The following XKR6 variants were observed in gnomAD, a reference collection of about 807,000 sequenced individuals.
XKR6 encodes XK related 6.
In XKR6, 22 loss-of-function variants were observed where a neutral mutation model predicts 56.7. The ratio of observed to expected loss-of-function variants is 0.39; its 90% CI spans 0.28 to 0.55. The LOEUF is 0.55. XKR6 is among the 20% of genes least tolerant of loss of function. The pLI, the probability that XKR6 is intolerant of heterozygous loss-of-function variation, is 0.66. For synonymous variants in XKR6, 524 were observed against 387.8 expected (o/e 1.35, Z -4.13); for missense variants, 852 against 889.0 (o/e 0.96, Z 0.53).
chr8:10,935,541 C>A, intron 1 of XKR6, among the ~76,000 whole-genome samples: 2 of 144,218 alleles, frequency 1.4e-5, no homozygotes, highest in African/African-American at 2.6e-5. Flanking sequence ...GCATTTAGTG[C>A]TATAAATTTC....
intron 1 of XKR6, among the ~76,000 whole-genome samples, chr8:10,962,346 T>C (rs1802089068): frequency 1.3e-5 from 2 of 152,180 alleles, no homozygotes; most frequent in Non-Finnish European, 2.9e-5. Context: ...CCCTGACTCG[T>C]AGTCCCCATT....
chr8:11,194,133 T>A (rs1241417622), intron 1 of XKR6, among the ~76,000 whole-genome samples: 2 of 152,202 alleles, frequency 1.3e-5, no homozygotes, highest in African/African-American at 4.8e-5. Context: ...TAAAAATAGA[T>A]TAAGTGATCA....
At chr8:11,078,999 A>T (rs899631070) in intron 1 of XKR6, among the ~76,000 whole-genome samples, 1 of 152,252 alleles carries the variant, frequency 6.6e-6, no homozygotes, top group Non-Finnish European at 1.5e-5. Flanking sequence ...GGCGAGGAAG[A>T]AGGAGCAAGA....
chr8:11,110,443 C>T (rs1288933558), intron 1 of XKR6, among the ~76,000 whole-genome samples: 1 of 152,182 alleles, frequency 6.6e-6, no homozygotes, highest in African/African-American at 2.4e-5. Flanking sequence ...ACACTAGTTT[C>T]GGAAATACTG....
intron 1 of XKR6, among the ~76,000 whole-genome samples, chr8:11,005,404 G>A (rs571856504): frequency 8.5e-5 from 13 of 152,170 alleles, no homozygotes; most frequent in African/African-American, 2.9e-4. Flanking sequence ...TGGAAGGGCT[G>A]GAGGGAAGTG....
chr8:10,942,392 G>A (rs953929980), intron 1 of XKR6, among the ~76,000 whole-genome samples: 4 of 152,168 alleles, frequency 2.6e-5, no homozygotes, highest in Non-Finnish European at 4.4e-5. Flanking sequence ...CATCCGCCAC[G>A]GCCCTGAGTC....
chr8:10,946,462 C>A (rs1037551201), intron 1 of XKR6, among the ~76,000 whole-genome samples: 3 of 151,896 alleles, frequency 2.0e-5, no homozygotes, highest in Admixed American at 2.0e-4. Context: ...CCTTTTTCGG[C>A]CCATAGTGGG....
chr8:10,962,164 T>C (rs1256049423), intron 1 of XKR6, among the ~76,000 whole-genome samples: 2 of 152,324 alleles, frequency 1.3e-5, no homozygotes, highest in East Asian at 1.9e-4. Flanking sequence ...GGGGACTTAT[T>C]TTCAATCTTT....
intron 1 of XKR6, among the ~76,000 whole-genome samples, chr8:11,021,146 G>C (rs1412656467): frequency 6.6e-6 from 1 of 152,116 alleles, no homozygotes; most frequent in Non-Finnish European, 1.5e-5. Context: ...AAGGAATCTT[G>C]GGCTTCTCTC....
intron 1 of XKR6, among the ~76,000 whole-genome samples, chr8:11,196,505 C>G (rs990308093): frequency 6.6e-6 from 1 of 152,140 alleles, no homozygotes; most frequent in African/African-American, 2.4e-5. Context: ...CTTGAGTACA[C>G]CTGAGGTACT....
chr8:10,956,814 G>C (rs1444357781), intron 1 of XKR6, among the ~76,000 whole-genome samples: 2 of 152,166 alleles, frequency 1.3e-5, no homozygotes, highest in African/African-American at 4.8e-5. Flanking sequence ...GGATTAATCT[G>C]TCTTCAGCTT....
chr8:11,009,253 G>A (rs1468662750), intron 1 of XKR6, among the ~76,000 whole-genome samples: 3 of 152,174 alleles, frequency 2.0e-5, no homozygotes, highest in Non-Finnish European at 4.4e-5. Context: ...ACTCACACCT[G>A]TAATCCCAGC....
At chr8:11,153,668 A>G (rs577419079) in intron 1 of XKR6, among the ~76,000 whole-genome samples, 3 of 152,232 alleles carry the variant, frequency 2.0e-5, no homozygotes, top group Non-Finnish European at 4.4e-5. Flanking sequence ...AATTGGTGGT[A>G]GCAGCAGTAA....
intron 1 of XKR6, among the ~76,000 whole-genome samples, chr8:10,979,246 C>G (rs80270292): frequency 0.048 from 7,278 of 152,130 alleles, 251 homozygotes; most frequent in Non-Finnish European, 0.078. Flanking sequence ...GCCTACTCCC[C>G]CAACCCCCAA....
Position 11,045,825 on chromosome 8 carries a change from T to G in XKR6, c.765-120995A>C, listed in dbSNP as rs550942692. Among the ~76,000 whole-genome samples the G allele has an allele frequency of 2.6e-5, 4 of 152,216 alleles. No homozygotes were observed. In the South Asian group the frequency reaches 8.3e-4, roughly 32 times the overall value. On this transcript the variant is annotated intron_variant, in intron 1 of 2. Coordinates refer to ENST00000416569, the MANE Select transcript of XKR6 (RefSeq NM_173683.4). ...TTACCACAAGGAAAATGGAAGAAAG[T>G]AAACGTTTACTGTGTCTCATCACTT... is the stretch of plus-strand genomic sequence containing the variant.
At chr8:11,137,980 G>T (rs1800492875) in intron 1 of XKR6, 1 of 314,862 alleles carries the variant, frequency 3.2e-6, no homozygotes, top group South Asian at 2.7e-5. Context: ...ATGCCCTGAT[G>T]AAGCCGTCAG....
intron 1 of XKR6, among the ~76,000 whole-genome samples, chr8:11,132,541 T>C (rs1457597564): frequency 2.6e-5 from 4 of 151,836 alleles, no homozygotes; most frequent in Non-Finnish European, 5.9e-5. Context: ...TTTGTATTTT[T>C]AGTAGAGACG....
intron 2 of XKR6, among the ~76,000 whole-genome samples, chr8:10,901,007 C>A (rs1236107436): frequency 6.6e-6 from 1 of 150,838 alleles, no homozygotes; most frequent in East Asian, 1.9e-4. Context: ...CCAGTGAGCC[C>A]AGCTAAGATT....
intron 1 of XKR6, among the ~76,000 whole-genome samples, chr8:11,021,711 A>C (rs563461502): frequency 1.6e-4 from 25 of 152,186 alleles, no homozygotes; most frequent in African/African-American, 6.0e-4. Flanking sequence ...GCTTCTTTTC[A>C]TCCATTCAGA....
Sources: allele counts gnomAD v4.1 joint callset (sites outside exome capture counted in the v4.1 genomes callset), GRCh38; gene constraint gnomAD v4.1.1; transcripts MANE v1.5; gene names NCBI Gene and HGNC (gene_info 2026-07-23, HGNC 2026-07-21).